The following UBE2O variants were observed in gnomAD, a reference collection of about 807,000 sequenced individuals.
UBE2O encodes ubiquitin conjugating enzyme E2 O.
A neutral mutation model predicts 125.8 loss-of-function variants in UBE2O; 15 were observed. That is an observed-to-expected ratio of 0.12 (90% CI 0.08 to 0.18). The LOEUF is 0.18. Ranked by LOEUF, UBE2O falls within the 10% of genes least tolerant of loss-of-function variation. UBE2O has a pLI of 1.00. For synonymous variants in UBE2O, 708 were observed against 703.2 expected (o/e 1.01, Z -0.11); for missense variants, 1,280 against 1,723.6 (o/e 0.74, Z 4.56).
At chr17:76,422,086 G>A (rs760604481) in intron 1 of UBE2O, among the ~76,000 whole-genome samples, 8 of 152,214 alleles carry the variant, frequency 5.3e-5, no homozygotes, top group Non-Finnish European at 1.2e-4. Flanking sequence ...CTGTGGTGAT[G>A]TTTTTGAGAC....
At chr17:76,418,153 T>C (rs1161427631) in intron 1 of UBE2O, among the ~76,000 whole-genome samples, 2 of 152,134 alleles carry the variant, frequency 1.3e-5, no homozygotes, top group Admixed American at 1.3e-4. Flanking sequence ...GAAGGGATAA[T>C]AGAGAACAGA....
At chr17:76,414,286 T>C (rs1210983583) in intron 1 of UBE2O, among the ~76,000 whole-genome samples, 1 of 152,254 alleles carries the variant, frequency 6.6e-6, no homozygotes, top group Non-Finnish European at 1.5e-5. Flanking sequence ...TGAATAGTTT[T>C]TGAGTGTTTT....
intron 1 of UBE2O, among the ~76,000 whole-genome samples, chr17:76,428,392 C>T (rs986371881): frequency 1.3e-4 from 20 of 152,178 alleles, no homozygotes; most frequent in African/African-American, 3.6e-4. Context: ...AGATGTCAGA[C>T]GTTTTTAATC....
chr17:76,430,975 G>A (rs571293647), intron 1 of UBE2O: 4 of 276,634 alleles, frequency 1.4e-5, no homozygotes, highest in East Asian at 1.2e-4. Context: ...TCACTTCTTC[G>A]TGCATAAGTT....
chr17:76,426,748 GT>G (rs1263962489), intron 1 of UBE2O, among the ~76,000 whole-genome samples: 3 of 152,036 alleles, frequency 2.0e-5, no homozygotes, highest in African/African-American at 7.2e-5. Flanking sequence ...TGGGACTTTG[GT>G]TTTTAATCCT....
rs754940630 is a variant in UBE2O, at chr17:76,400,492, G to A, written c.953C>T (p.Thr318Met). 1.5e-5 allele frequency: 25 copies of A among 1,613,130 alleles called. No individual in the cohort carries two copies. The highest frequency in any genetic ancestry group is 4.4e-5 in the South Asian group (4 of 90,958). The change falls in exon 7 of 18, where the codon ACG becomes ATG. Residue 318 changes from threonine (T) to methionine (M), a missense_variant. By Grantham distance (81) the Thr-to-Met change is moderately conservative. Transcript: ENST00000319380. This position sits in a 1 kb window ranked among gnomAD's most constrained non-coding sequence, Gnocchi z 4.3. The part of the protein sequence containing the change: ...WITKSFCPGG[T>M]DSVSPPPSVI... ...AGAGGGTGGGGGGCTGACGCTGTCC[G>A]TGCCCCCTGGACAGAAACTCTTGGT...
Position 76,395,667 on chromosome 17 carries a change from C to A in UBE2O, c.2946+58G>T. ...TTTGGGGACCCAAGGTTGGTGGCCTCTTGGGCACTGGGTGCCCACACAGCA... is the reference window on the plus strand; with the variant it reads ...TTTGGGGACCCAAGGTTGGTGGCCTATTGGGCACTGGGTGCCCACACAGCA... On this transcript the variant is annotated intron_variant, in intron 15 of 17. Coordinates refer to ENST00000319380, the MANE Select transcript of UBE2O (RefSeq NM_022066.4). The surrounding 1 kb of genome is among the most constrained non-coding windows in gnomAD (Gnocchi z 5.0). 6.4e-7 allele frequency: 1 copy of A among 1,560,558 alleles called. No homozygotes were observed. Among genetic ancestry groups the A allele is most frequent in the Non-Finnish European group, 8.7e-7 (1 of 1,155,088 alleles).
At chr17:76,419,398 G>C (rs1215092998) in intron 1 of UBE2O, among the ~76,000 whole-genome samples, 1 of 152,022 alleles carries the variant, frequency 6.6e-6, no homozygotes, top group African/African-American at 2.4e-5. Context: ...GCTGATATGG[G>C]GGTGTAATGA....
chr17:76,432,582 A>G (rs2072922859), intron 1 of UBE2O, among the ~76,000 whole-genome samples: 1 of 152,170 alleles, frequency 6.6e-6, no homozygotes. Context: ...AAGGGTCTTA[A>G]GCATACTGAA....
chr17:76,405,356 A>T lies in UBE2O; in HGVS notation c.478-40T>A. On this transcript the variant is annotated intron_variant, in intron 2 of 17. Transcript: ENST00000319380. This position sits in a 1 kb window ranked among gnomAD's most constrained non-coding sequence, Gnocchi z 6.1. ...AGACATGCAAGTCCCGTGGTGCAGC[A>T]GCCCTGGTCACCAGGGGAGACCCAG... 1 of 1,567,874 alleles carries T rather than the reference A, an allele frequency of 6.4e-7. No homozygotes were observed. Among genetic ancestry groups the T allele is most frequent in the Non-Finnish European group, 8.7e-7 (1 of 1,144,076 alleles).
chr17:76,436,675 C>A (rs1021406955), intron 1 of UBE2O, among the ~76,000 whole-genome samples: 4 of 152,152 alleles, frequency 2.6e-5, no homozygotes, highest in African/African-American at 9.7e-5. Context: ...CCTCACAACT[C>A]CCAAACTGCC....
chr17:76,407,172 T>C (rs2072438274), intron 1 of UBE2O, among the ~76,000 whole-genome samples: 1 of 152,190 alleles, frequency 6.6e-6, no homozygotes, highest in South Asian at 2.1e-4. Context: ...TGGCACATGG[T>C]GCACGGTACA....
intron 1 of UBE2O, among the ~76,000 whole-genome samples, chr17:76,422,109 T>C (rs2072721786): frequency 6.6e-6 from 1 of 152,168 alleles, no homozygotes. Flanking sequence ...CTATGTGTGA[T>C]AAGTAATGGG....
chr17:76,392,360 C>T (rs916811263), intron 15 of UBE2O, among the ~76,000 whole-genome samples: 1 of 151,936 alleles, frequency 6.6e-6, no homozygotes, highest in African/African-American at 2.4e-5. Flanking sequence ...CTGGAGTACA[C>T]TAGTGCAATA....
intron 1 of UBE2O, among the ~76,000 whole-genome samples, chr17:76,443,414 G>A (rs1417064592): frequency 2.0e-5 from 3 of 152,038 alleles, no homozygotes; most frequent in African/African-American, 4.8e-5. Flanking sequence ...CTAGCCTCCC[G>A]AGTAGCTGGG....
chr17:76,443,119 T>C (rs2073100243), intron 1 of UBE2O, among the ~76,000 whole-genome samples: 1 of 152,160 alleles, frequency 6.6e-6, no homozygotes. Flanking sequence ...TATATTTACA[T>C]AAGCATACAG....
intron 1 of UBE2O, among the ~76,000 whole-genome samples, chr17:76,413,604 C>A (rs1194382137): frequency 6.6e-6 from 1 of 152,122 alleles, no homozygotes; most frequent in Non-Finnish European, 1.5e-5. Flanking sequence ...GTGTATTTTA[C>A]CGTGAGTGAC....
chr17:76,425,895 C>T (rs1533570), intron 1 of UBE2O, among the ~76,000 whole-genome samples: 71,064 of 152,088 alleles, frequency 0.47, 19,106 homozygotes, highest in Non-Finnish European at 0.6. Context: ...CTGCCGCTCA[C>T]CTGTGTCAGA....
intron 1 of UBE2O, among the ~76,000 whole-genome samples, chr17:76,427,918 T>C (rs994082339): frequency 3.9e-5 from 6 of 152,150 alleles, no homozygotes; most frequent in Non-Finnish European, 7.3e-5. Context: ...AATCCAAACC[T>C]CTATTATTGT....
Sources: allele counts gnomAD v4.1 joint callset (sites outside exome capture counted in the v4.1 genomes callset), GRCh38; gene constraint gnomAD v4.1.1; non-coding constraint Gnocchi (gnomAD v3.1); transcripts MANE v1.5; gene names NCBI Gene and HGNC (gene_info 2026-07-23, HGNC 2026-07-21).